HSF2: variants seen among roughly 807,000 people sequenced by gnomAD.
The protein encoded by HSF2 is heat shock transcription factor 2, also known as heat shock factor protein 2.
In HSF2, 21 loss-of-function variants were observed where a neutral mutation model predicts 65.0. That is an observed-to-expected ratio of 0.32 (90% confidence interval 0.23 to 0.47). The LOEUF (loss-of-function observed/expected upper bound fraction) is 0.47. HSF2 is among the 20% of genes least tolerant of loss of function. The pLI, the probability that HSF2 is intolerant of heterozygous loss-of-function variation, is 1.00. For missense variants in HSF2, 499 were observed against 628.1 expected (o/e 0.79, Z 2.20); for synonymous variants, 225 against 219.1 (o/e 1.03, Z -0.24).
chr6:122,404,142 A>G (rs1484792975), intron 1 of HSF2, among the ~76,000 whole-genome samples: 2 of 152,038 alleles, frequency 1.3e-5, no homozygotes, highest in Non-Finnish European at 2.9e-5. Flanking sequence ...CTGCTTCTCT[A>G]TCCCCCTCAT....
intron 1 of HSF2, among the ~76,000 whole-genome samples, chr6:122,410,992 G>T (rs1773979839): frequency 2.2e-5 from 3 of 133,366 alleles, no homozygotes; most frequent in African/African-American, 5.6e-5. Context: ...TGGAATTGCT[G>T]GATTATATGT....
intron 4 of HSF2, 72 bp from the exon 5 acceptor site, chr6:122,416,149 A>G (rs1013270317): frequency 2.2e-6 from 2 of 907,646 alleles, no homozygotes; most frequent in Non-Finnish European, 3.6e-6. Context: ...GGTATTCTTA[A>G]TTAAAGATAC....
At position 122,420,199 on chromosome 6, in the gene HSF2, C is replaced by T; in HGVS notation, c.658C>T (p.Pro220Ser). The part of the protein sequence containing the change: ...KNLFQHIVKE[P>S]TDNHHHKVPH... Reference sequence around the variant, plus strand: ...CCTGTTTCAGCACATAGTCAAAGAACCAACTGATAATCATCATCATAAAGT... The same window carrying T: ...CCTGTTTCAGCACATAGTCAAAGAATCAACTGATAATCATCATCATAAAGT... The change falls in exon 7 of 13, where the codon CCA becomes TCA. Residue 220 changes from proline to serine, a missense_variant. Coordinates refer to ENST00000368455, the MANE Select transcript of HSF2 (RefSeq NM_004506.4). The T allele has an allele frequency of 6.2e-7, 1 of 1,601,838 alleles. No homozygotes were observed. The highest frequency in any genetic ancestry group is 8.5e-7 in the Non-Finnish European group (1 of 1,170,394).
chr6:122,431,624 T>C, intron 12 of HSF2, 110 bp downstream of exon 12: 1 of 592,590 alleles, frequency 1.7e-6, no homozygotes. Flanking sequence ...GTTCTGTGAA[T>C]AGTGTGTCGA....
intron 7 of HSF2, among the ~76,000 whole-genome samples, chr6:122,420,856 T>TA (rs1267582830): frequency 1.3e-5 from 2 of 150,968 alleles, no homozygotes; most frequent in African/African-American, 4.9e-5. Context: ...GGACTATAGG[T>TA]GTGTGCCACC....
chr6:122,423,179 T>A (rs564909997), intron 9 of HSF2, among the ~76,000 whole-genome samples: 1 of 152,290 alleles, frequency 6.6e-6, no homozygotes, highest in African/African-American at 2.4e-5. Flanking sequence ...GATGATATAC[T>A]TCCTTTGAGT....
intron 10 of HSF2, 30 bp downstream of exon 10, chr6:122,423,716 T>G: frequency 8.2e-7 from 1 of 1,221,124 alleles, no homozygotes; most frequent in Non-Finnish European, 1.2e-6. Context: ...TTTGCTATAC[T>G]GGTAGTTTGT....
At chr6:122,414,284 C>T (rs922120930) in intron 4 of HSF2, among the ~76,000 whole-genome samples, 1 of 152,134 alleles carries the variant, frequency 6.6e-6, no homozygotes, top group African/African-American at 2.4e-5. Flanking sequence ...TATTACTCTT[C>T]TTAGTAAGTA....
chr6:122,403,640 A>G (rs1456735373), intron 1 of HSF2, among the ~76,000 whole-genome samples: 1 of 152,160 alleles, frequency 6.6e-6, no homozygotes, highest in Admixed American at 6.5e-5. Context: ...AAAGAAAAGA[A>G]AGTATGTTTT....
chr6:122,408,600 T>G (rs1330029315), intron 1 of HSF2, among the ~76,000 whole-genome samples: 1 of 152,158 alleles, frequency 6.6e-6, no homozygotes, highest in Admixed American at 6.5e-5. Flanking sequence ...AAGTAATTTT[T>G]GTATATTGAT....
rs532968629 is a variant in HSF2, at chr6:122,412,278, G to A, written c.94-95G>A. ...GTCTGAAGACATCAAGGAGGGACTG[G>A]ACTACTCAAGACAGTTGTGGGATGT... On this transcript the variant is annotated intron_variant, in intron 1 of 12. Coordinates refer to ENST00000368455, the MANE Select transcript of HSF2 (RefSeq NM_004506.4). 1.8e-5 allele frequency: 13 copies of A among 738,194 alleles called. No individual in the cohort carries two copies. In the African/African-American group the frequency reaches 2.1e-4, roughly 12 times the overall value. The allele number at this position is 738,194 out of a possible 1,614,324, so 45.7% of individuals were successfully genotyped here. A position where few individuals can be genotyped will look rare whatever the true frequency, so the allele number is the denominator to read the frequency against.
At chr6:122,421,814 A>G (rs1319565884) in intron 7 of HSF2, among the ~76,000 whole-genome samples, 3 of 152,120 alleles carry the variant, frequency 2.0e-5, no homozygotes, top group African/African-American at 7.2e-5. Context: ...TGAAGTTTCT[A>G]GTGAAGTCCT....
At chr6:122,415,995 C>G (rs919723844) in intron 4 of HSF2, among the ~76,000 whole-genome samples, 3 of 151,928 alleles carry the variant, frequency 2.0e-5, no homozygotes, top group African/African-American at 7.2e-5. Flanking sequence ...TCAGCCTGGG[C>G]GACAGAGCAA....
chr6:122,412,797 A>G, intron 3 of HSF2, 33 bp downstream of exon 3: 1 of 1,606,988 alleles, frequency 6.2e-7, no homozygotes, highest in African/African-American at 1.3e-5. Context: ...TAATTAGGGT[A>G]TTGACCTGGA....
chr6:122,425,953 A>G (rs903426018), intron 10 of HSF2, among the ~76,000 whole-genome samples: 1 of 152,068 alleles, frequency 6.6e-6, no homozygotes, highest in African/African-American at 2.4e-5. Flanking sequence ...TATTAGTTAC[A>G]TTTTACAGCT....
chr6:122,432,203 C>T lies in HSF2; in HGVS notation c.1594C>T (p.Pro532Ser), dbSNP rs1241723554. The stretch of plus-strand genomic sequence containing the variant: ...TCCTGCACCTCTGGATAGTGATATG[C>T]CACTTTTAGATAGCTAAATCCCCAG... ...LAPAPLDSDM[P>S]LLDS Residue 532 changes from proline (P) to serine (S), a missense_variant, in exon 13 of 13, where the codon CCA (proline) becomes TCA (serine). Pro to Ser is a moderately conservative substitution (Grantham distance 74). This residue lies in a region of HSF2 where 349 missense variants were observed against 393.5 expected (regional missense o/e 0.89). Coordinates refer to ENST00000368455, the MANE Select transcript of HSF2 (RefSeq NM_004506.4). 17 of 1,612,292 alleles carry T rather than the reference C, an allele frequency of 1.1e-5. No individual in the cohort carries two copies. The highest frequency in any genetic ancestry group is 1.4e-5 in the Non-Finnish European group (16 of 1,178,624).
intron 1 of HSF2, among the ~76,000 whole-genome samples, chr6:122,405,745 A>G (rs950912157): frequency 1.3e-5 from 2 of 152,170 alleles, no homozygotes; most frequent in Non-Finnish European, 2.9e-5. Flanking sequence ...TGCCCAATCT[A>G]TTTACATATT....
chr6:122,413,780 C>A, intron 4 of HSF2, 131 bp downstream of exon 4: 1 of 732,000 alleles, frequency 1.4e-6, no homozygotes, highest in Non-Finnish European at 2.3e-6. Context: ...GATCAAAGGT[C>A]ATTTTTCTGC....
chr6:122,420,270 A>T (rs773760505), intron 7 of HSF2, 48 bp downstream of exon 7: 7 of 1,425,840 alleles, frequency 4.9e-6, no homozygotes, highest in Middle Eastern at 2.4e-4. Flanking sequence ...CTCAGACTAA[A>T]TTTTATTATG....
Sources: allele counts gnomAD v4.1 joint callset (sites outside exome capture counted in the v4.1 genomes callset), GRCh38; gene constraint gnomAD v4.1.1; regional missense constraint gnomAD v4.1.1; transcripts MANE v1.5; gene names NCBI Gene and HGNC (gene_info 2026-07-23, HGNC 2026-07-21).